PCDH7: variants seen among roughly 807,000 people sequenced by gnomAD.
PCDH7 encodes protocadherin-7.
In PCDH7, 17 loss-of-function variants were observed where a neutral mutation model predicts 58.9. The ratio of observed to expected loss-of-function variants is 0.29; its 90% CI spans 0.20 to 0.43. The LOEUF is 0.43. Ranked by LOEUF, PCDH7 falls within the 20% of genes least tolerant of loss-of-function variation. The pLI is 1.00. For synonymous variants in PCDH7, 664 were observed against 616.4 expected, an observed-to-expected ratio of 1.08 and a Z score of -1.14; for missense variants, 1,274 against 1,441.0, an observed-to-expected ratio of 0.88 and a Z score of 1.88.
At chr4:30,793,501 C>A (rs2109300538) in intron 1 of PCDH7, among the ~76,000 whole-genome samples, 1 of 151,878 alleles carries the variant, frequency 6.6e-6, no homozygotes, top group South Asian at 2.1e-4. Context: ...GTGACCTAAG[C>A]CATTGTATTC....
chr4:30,934,230 C>A (rs1402878612), intron 2 of PCDH7, among the ~76,000 whole-genome samples: 1 of 152,126 alleles, frequency 6.6e-6, no homozygotes, highest in Non-Finnish European at 1.5e-5. Context: ...TCTTTCGCTG[C>A]CTACGTCTGA....
intron 3 of PCDH7, among the ~76,000 whole-genome samples, chr4:31,099,502 G>A (rs1048607654): frequency 3.3e-5 from 5 of 152,150 alleles, no homozygotes; most frequent in Admixed American, 2.0e-4. Context: ...TGGAATAACA[G>A]GCTTTGCCTT....
chr4:31,094,017 T>A lies in PCDH7; in HGVS notation c.*8-48456T>A, dbSNP rs574789896. Among the ~76,000 whole-genome samples the A allele has an allele frequency of 2.2e-4, 33 of 152,288 alleles. No homozygotes were observed. In the South Asian group the frequency reaches 6.4e-3, roughly 30 times the overall value. On this transcript the variant is annotated intron_variant, in intron 3 of 3. Transcript: ENST00000509759. ...TGGAAGACATGCATTCAAGGCTCTA[T>A]CACTGTCTTTGGGAACCTGCTGTAA...
intron 3 of PCDH7, among the ~76,000 whole-genome samples, chr4:31,064,360 C>G (rs1757917815): frequency 6.6e-6 from 1 of 151,916 alleles, no homozygotes; most frequent in Non-Finnish European, 1.5e-5. Context: ...TATGTGTATA[C>G]ATGGAGTAAG....
chr4:31,053,338 A>T (rs1756905608), intron 3 of PCDH7, among the ~76,000 whole-genome samples: 1 of 152,006 alleles, frequency 6.6e-6, no homozygotes, highest in Non-Finnish European at 1.5e-5. Flanking sequence ...AACATAACTT[A>T]GTTATTTTTC....
At chr4:30,868,416 G>A (rs1735145958) in intron 1 of PCDH7, among the ~76,000 whole-genome samples, 1 of 152,086 alleles carries the variant, frequency 6.6e-6, no homozygotes, top group Non-Finnish European at 1.5e-5. Flanking sequence ...TTGCTGAATT[G>A]TCTCTGCCTT....
chr4:31,137,398 C>A (rs892382085), intron 3 of PCDH7, among the ~76,000 whole-genome samples: 4 of 152,150 alleles, frequency 2.6e-5, no homozygotes, highest in African/African-American at 9.6e-5. Context: ...GCCTGGCCAA[C>A]ATGGCCAAAC....
chr4:30,993,963 G>A (rs1449313894), intron 3 of PCDH7, among the ~76,000 whole-genome samples: 1 of 152,104 alleles, frequency 6.6e-6, no homozygotes. Context: ...AAAATGCTAA[G>A]TTGGTAACTA....
At chr4:31,039,340 C>A (rs1755662144) in intron 3 of PCDH7, among the ~76,000 whole-genome samples, 1 of 152,168 alleles carries the variant, frequency 6.6e-6, no homozygotes, top group Admixed American at 6.5e-5. Flanking sequence ...AGGAACATGT[C>A]TTGAAGTAAA....
At chr4:30,752,612 T>A (rs1354960156) in intron 1 of PCDH7, among the ~76,000 whole-genome samples, 2 of 150,582 alleles carry the variant, frequency 1.3e-5, no homozygotes, top group Non-Finnish European at 3.0e-5. Context: ...CACGTATGTA[T>A]TAGAAGATAT....
At chr4:30,860,668 T>G (rs1734091281) in intron 1 of PCDH7, among the ~76,000 whole-genome samples, 1 of 152,166 alleles carries the variant, frequency 6.6e-6, no homozygotes, top group Admixed American at 6.6e-5. Flanking sequence ...GTCATCTGCC[T>G]TTTATAATGT....
chr4:30,999,301 A>G (rs765532616), intron 3 of PCDH7, among the ~76,000 whole-genome samples: 12 of 152,160 alleles, frequency 7.9e-5, no homozygotes, highest in Non-Finnish European at 1.2e-4. Flanking sequence ...TGAGAAAATA[A>G]TAAGTGTGTG....
chr4:30,852,355 G>T (rs959550642), intron 1 of PCDH7, among the ~76,000 whole-genome samples: 2 of 152,022 alleles, frequency 1.3e-5, no homozygotes, highest in African/African-American at 4.8e-5. Context: ...AAGGCAGTGG[G>T]GGATTAGAGG....
At chr4:31,050,534 T>C (rs2109219684) in intron 3 of PCDH7, among the ~76,000 whole-genome samples, 2 of 152,270 alleles carry the variant, frequency 1.3e-5, no homozygotes, top group Middle Eastern at 6.8e-3. Context: ...CTAAATATGA[T>C]CCATGCTTCA....
rs1714414610 is a variant in PCDH7 at position 30,725,034 on chromosome 4, C to A, written c.3174+438C>A. 7 of 1,006,140 alleles carry A rather than the reference C, an allele frequency of 7.0e-6. No homozygotes were observed. In the South Asian group the frequency reaches 3.3e-4, roughly 47 times the overall value. The allele number at this position is 1,006,140 out of a possible 1,614,324, so 62.3% of individuals were successfully genotyped here. ...ACTGGTGTCTATGCAAATTGGATTC[C>A]ATAGAAGTTTTAGCTATGTTATTTA... On this transcript the variant is annotated intron_variant, in intron 1 of 1. Coordinates refer to ENST00000361762, the Ensembl canonical transcript of PCDH7.
At chr4:31,135,770 G>T (rs965683075) in intron 3 of PCDH7, among the ~76,000 whole-genome samples, 1 of 152,094 alleles carries the variant, frequency 6.6e-6, no homozygotes, top group Non-Finnish European at 1.5e-5. Flanking sequence ...CACACTAAGT[G>T]AGACAAAAAA....
intron 3 of PCDH7, among the ~76,000 whole-genome samples, chr4:31,053,878 A>T (rs1415838101): frequency 1.3e-5 from 2 of 152,134 alleles, no homozygotes; most frequent in African/African-American, 4.8e-5. Flanking sequence ...TATAAAAACT[A>T]GGTTACTAAA....
chr4:30,797,427 C>A (rs933314394), intron 1 of PCDH7, among the ~76,000 whole-genome samples: 1 of 152,070 alleles, frequency 6.6e-6, no homozygotes, highest in Non-Finnish European at 1.5e-5. Flanking sequence ...CGCCCGCCAC[C>A]ACGCCCGGCT....
intron 1 of PCDH7, among the ~76,000 whole-genome samples, chr4:30,780,679 T>C (rs1190588252): frequency 6.6e-6 from 1 of 152,222 alleles, no homozygotes; most frequent in Non-Finnish European, 1.5e-5. Context: ...ATAGTTGTTT[T>C]ATTTGAATAC....
Sources: allele counts gnomAD v4.1 joint callset (sites outside exome capture counted in the v4.1 genomes callset), GRCh38; gene constraint gnomAD v4.1.1; transcripts MANE v1.5; gene names NCBI Gene and HGNC (gene_info 2026-07-23, HGNC 2026-07-21).